The following VTI1A variants were observed in gnomAD, a reference collection of about 807,000 sequenced individuals.
The protein encoded by VTI1A is vesicle transport through interaction with t-SNAREs 1A.
VTI1A carries 22 observed loss-of-function variants against 34.9 expected under a neutral mutation model. That is an observed-to-expected ratio of 0.63 (90% confidence interval 0.45 to 0.90). The LOEUF (loss-of-function observed/expected upper bound fraction) is 0.90. VTI1A is among the 40% of genes least tolerant of loss of function. The pLI is 0.00. For missense variants in VTI1A, 268 were observed against 275.6 expected, an observed-to-expected ratio of 0.97 and a Z score of 0.20; for synonymous variants, 87 against 97.3, an observed-to-expected ratio of 0.89 and a Z score of 0.62.
the VTI1A span, among the ~76,000 whole-genome samples, chr10:112,846,821 T>A: frequency 6.8e-6 from 1 of 147,752 alleles, no homozygotes; most frequent in Non-Finnish European, 1.5e-5. Context: ...AGGAACTGGG[T>A]GTTTAATTTT....
chr10:112,542,225 G>C (rs898015612), intron 5 of VTI1A, among the ~76,000 whole-genome samples: 26 of 152,142 alleles, frequency 1.7e-4, no homozygotes, highest in South Asian at 2.1e-4. Flanking sequence ...AATTGTACAA[G>C]GGCAGAAATG....
Position 112,496,199 on chromosome 10 carries a change from C to T in VTI1A, c.265-30888C>T, listed in dbSNP as rs189026524. Among the ~76,000 whole-genome samples, 278 of 116,362 alleles carry T rather than the reference C, an allele frequency of 2.4e-3. 29 individuals carry two copies. Among genetic ancestry groups the T allele is most frequent in the Admixed American group, 3.5e-3 (39 of 11,066 alleles). The allele number at this position is 116,362 out of a possible 152,430, so 76.3% of individuals were successfully genotyped here. On this transcript the variant is annotated intron_variant, in intron 3 of 7. Coordinates refer to ENST00000393077, the MANE Select transcript of VTI1A (RefSeq NM_145206.4). The stretch of plus-strand genomic sequence containing the variant: ...CAAATGGGGAGACCCCCCCCCCCCC[C>T]CCGCCGTCTCTAAACAAAATAAAAA...
chr10:112,653,843 C>A (rs921100338), intron 5 of VTI1A, among the ~76,000 whole-genome samples: 2 of 152,130 alleles, frequency 1.3e-5, no homozygotes, highest in Admixed American at 6.5e-5. Context: ...GTTTCCCCCC[C>A]AAAATAAGTC....
At chr10:112,696,018 T>A (rs1312169360) in intron 7 of VTI1A, among the ~76,000 whole-genome samples, 1 of 152,002 alleles carries the variant, frequency 6.6e-6, no homozygotes, top group Non-Finnish European at 1.5e-5. Flanking sequence ...AAAAGAGCTT[T>A]CCTTTACAAT....
At chr10:112,508,186 T>C (rs1849495509) in intron 3 of VTI1A, among the ~76,000 whole-genome samples, 1 of 152,234 alleles carries the variant, frequency 6.6e-6, no homozygotes, top group Non-Finnish European at 1.5e-5. Flanking sequence ...AGCAACCAGC[T>C]TAAACCTGTT....
intron 7 of VTI1A, chr10:112,671,672 A>G (rs565184887): frequency 2.6e-5 from 4 of 152,342 alleles, no homozygotes; most frequent in Admixed American, 6.5e-5. Context: ...CCAGTGTTCC[A>G]TTGATACCAA....
intron 3 of VTI1A, among the ~76,000 whole-genome samples, chr10:112,490,049 A>G (rs900971778): frequency 6.6e-6 from 1 of 152,080 alleles, no homozygotes; most frequent in African/African-American, 2.4e-5. Context: ...CTTACCTGAT[A>G]TATTTTTACC....
chr10:112,682,134 A>T (rs1407317733), intron 7 of VTI1A, among the ~76,000 whole-genome samples: 1 of 152,136 alleles, frequency 6.6e-6, no homozygotes, highest in African/African-American at 2.4e-5. Flanking sequence ...AGAACATTTT[A>T]TTTATTCACT....
At chr10:112,707,299 G>A (rs1372559316) in intron 7 of VTI1A, among the ~76,000 whole-genome samples, 1 of 151,988 alleles carries the variant, frequency 6.6e-6, no homozygotes, top group Non-Finnish European at 1.5e-5. Flanking sequence ...CTCCCAAGTA[G>A]CTGGGACTAC....
Position 112,447,347 on chromosome 10 carries a change from G to T in VTI1A, c.-27G>T. The T allele has an allele frequency of 6.2e-7, 1 of 1,608,854 alleles. No homozygotes were observed. Among genetic ancestry groups the T allele is most frequent in the Non-Finnish European group, 8.5e-7 (1 of 1,177,976 alleles). ...GGCCCTTTCCCTGACCTAGGCTTTG[G>T]CCTGGGCTACTCGTTCCGGAGCCGC... On this transcript the variant is annotated 5_prime_UTR_variant, in exon 1 of 8. Coordinates refer to ENST00000393077, the MANE Select transcript of VTI1A (RefSeq NM_145206.4).
intron 5 of VTI1A, among the ~76,000 whole-genome samples, chr10:112,582,300 T>C (rs1843981065): frequency 6.6e-6 from 1 of 152,132 alleles, no homozygotes; most frequent in African/African-American, 2.4e-5. Context: ...CAGTGTGCAT[T>C]CTCCAGATAT....
At chr10:112,848,046 A>G in the VTI1A span, among the ~76,000 whole-genome samples, 2 of 152,232 alleles carry the variant, frequency 1.3e-5, no homozygotes, top group African/African-American at 4.8e-5. Flanking sequence ...TTAGGCAACT[A>G]AGATTTGGGG....
intron 3 of VTI1A, among the ~76,000 whole-genome samples, chr10:112,515,885 A>G (rs1849757411): frequency 6.6e-6 from 1 of 152,130 alleles, no homozygotes; most frequent in Admixed American, 6.6e-5. Flanking sequence ...TAGCACCCAC[A>G]TACAAGATGT....
rs1848105784 is a variant in VTI1A, at chr10:112,471,981, G to A, written c.264+7324G>A. On this transcript the variant is annotated intron_variant, in intron 3 of 7. Transcript: ENST00000393077. ...AAAGAAACAAGTAAGTGGTGTGCTG[G>A]TATAAGGTTCTAAAGGTTATGAGGA... Among the ~76,000 whole-genome samples the A allele has an allele frequency of 2.0e-5, 3 of 152,162 alleles. No individual in the cohort carries two copies. In the South Asian group the frequency reaches 6.2e-4, roughly 31 times the overall value.
intron 5 of VTI1A, among the ~76,000 whole-genome samples, chr10:112,645,448 T>C (rs545405508): frequency 1.3e-5 from 2 of 152,320 alleles, no homozygotes; most frequent in Middle Eastern, 3.4e-3. Flanking sequence ...CCCTAGCATG[T>C]CACCCATGAT....
chr10:112,574,467 G>A (rs528449583), intron 5 of VTI1A, among the ~76,000 whole-genome samples: 34 of 152,308 alleles, frequency 2.2e-4, no homozygotes, highest in African/African-American at 7.9e-4. Flanking sequence ...CTAAATCAAC[G>A]AACATTTGTT....
At chr10:112,679,462 A>G (rs557293061) in intron 7 of VTI1A, among the ~76,000 whole-genome samples, 1 of 152,178 alleles carries the variant, frequency 6.6e-6, no homozygotes, top group African/African-American at 2.4e-5. Context: ...ATTTTTGACA[A>G]CATGGAAGCT....
At chr10:112,566,668 T>C (rs1851912588) in intron 5 of VTI1A, among the ~76,000 whole-genome samples, 1 of 152,192 alleles carries the variant, frequency 6.6e-6, no homozygotes, top group African/African-American at 2.4e-5. Context: ...AGCAGTGATA[T>C]TGACTATTTA....
At chr10:112,758,700 C>T (rs1422080448) in intron 7 of VTI1A, among the ~76,000 whole-genome samples, 1 of 152,208 alleles carries the variant, frequency 6.6e-6, no homozygotes, top group Non-Finnish European at 1.5e-5. Context: ...GAGTCTGTTT[C>T]CTCTTCTGTA....
Sources: allele counts gnomAD v4.1 joint callset (sites outside exome capture counted in the v4.1 genomes callset), GRCh38; gene constraint gnomAD v4.1.1; transcripts MANE v1.5; gene names NCBI Gene and HGNC (gene_info 2026-07-23, HGNC 2026-07-21).